EFCAB6: variants seen among roughly 807,000 people sequenced by gnomAD.
EFCAB6 encodes the protein EF-hand calcium-binding domain-containing protein 6.
Under a neutral mutation model 169.8 loss-of-function variants are expected in EFCAB6, and 156 were observed. The observed-to-expected ratio is 0.92, with a 90% CI of 0.81 to 1.05. The LOEUF is 1.05. Among genes scored for constraint, EFCAB6 ranks in the 50% least tolerant of loss-of-function variants. The pLI is 0.00. For missense variants in EFCAB6, 1,800 were observed against 1,829.1 expected, an observed-to-expected ratio of 0.98 and a Z score of 0.29; for synonymous variants, 698 against 676.4, an observed-to-expected ratio of 1.03 and a Z score of -0.50.
rs201098084 is a variant in EFCAB6 at position 43,608,531 on chromosome 22, C to T, written c.2632G>A (p.Gly878Ser). The T allele has an allele frequency of 2.8e-5, 46 of 1,614,046 alleles. No homozygotes were observed. The highest frequency in any genetic ancestry group is 5.3e-5 in the African/African-American group (4 of 74,914). Residue 878 changes from glycine (G) to serine (S), a missense_variant, in exon 22 of 32, where the codon GGT becomes AGT. By Grantham distance (56) the Gly-to-Ser change is moderately conservative. Transcript: ENST00000262726. ...RRRDIKNALY[G>S]FDIPLTPREF... ...CTTGGTGTGAGGGGAATATCAAAAC[C>T]GTACAGTGCGTTCTTTATGTCCCGG...
chr22:43,543,365 C>T (rs2147093321), intron 27 of EFCAB6, among the ~76,000 whole-genome samples: 1 of 152,338 alleles, frequency 6.6e-6, no homozygotes, highest in Non-Finnish European at 1.5e-5. Context: ...CTCCTCGCAC[C>T]TCTGCTGGTG....
intron 6 of EFCAB6, among the ~76,000 whole-genome samples, chr22:43,753,038 C>T (rs1184033966): frequency 6.6e-6 from 1 of 152,118 alleles, no homozygotes; most frequent in Non-Finnish European, 1.5e-5. Context: ...TTGTCAGTAC[C>T]CTGAAAGGTA....
chr22:43,581,284 A>G (rs2050705768), intron 24 of EFCAB6, among the ~76,000 whole-genome samples: 1 of 152,188 alleles, frequency 6.6e-6, no homozygotes, highest in South Asian at 2.1e-4. Context: ...AATACATTAA[A>G]TTCTCTTTCA....
intron 31 of EFCAB6, among the ~76,000 whole-genome samples, chr22:43,530,298 G>A (rs1052932773): frequency 6.6e-6 from 1 of 152,258 alleles, no homozygotes; most frequent in Admixed American, 6.5e-5. Flanking sequence ...AATGTGGATT[G>A]GAAAACCACT....
At chr22:43,735,069 C>A (rs1315585050) in intron 7 of EFCAB6, among the ~76,000 whole-genome samples, 1 of 152,174 alleles carries the variant, frequency 6.6e-6, no homozygotes, top group East Asian at 1.9e-4. Context: ...ATGGACCTCT[C>A]GGCTGGGTAC....
At chr22:43,596,224 CAGT>C (rs2051996631) in intron 23 of EFCAB6, among the ~76,000 whole-genome samples, 1 of 151,902 alleles carries the variant, frequency 6.6e-6, no homozygotes, top group Non-Finnish European at 1.5e-5. Context: ...CTATTCAACA[CAGT>C]ACTGGAAGTC....
At chr22:43,732,109 CGGCTCTGGCAGAAGGGGAGCTGG>C (rs1569451972) in intron 7 of EFCAB6, among the ~76,000 whole-genome samples, 1 of 152,146 alleles carries the variant, frequency 6.6e-6, no homozygotes, top group Non-Finnish European at 1.5e-5. Context: ...GAGTTTCTCC[CGGCTCTGGCAGAAGGGGAGCTGG>C]GGCTCTGTCT....
chr22:43,709,297 G>A lies in EFCAB6; in HGVS notation c.1031+2178C>T, dbSNP rs141182284. 8.0e-3 allele frequency among the ~76,000 whole-genome samples: 1,213 copies of A among 152,200 alleles called. 8 individuals are homozygous for A. Among genetic ancestry groups the A allele is most frequent in the Non-Finnish European group, 0.013 (885 of 68,004 alleles). On this transcript the variant is annotated intron_variant, in intron 10 of 31. Coordinates refer to ENST00000262726, the MANE Select transcript of EFCAB6 (RefSeq NM_022785.4). ...GGGTTTCACCTTGTTGGCCAGGCTG[G>A]TCTCGAACTCCTGACCTCAGGTGAT...
intron 23 of EFCAB6, among the ~76,000 whole-genome samples, chr22:43,599,544 A>AAAAAAAAAAAC (rs2052333420): frequency 7.9e-6 from 1 of 126,706 alleles, no homozygotes; most frequent in African/African-American, 2.9e-5. Flanking sequence ...AAAAAAAAAA[A>AAAAAAAAAAAC]AAAAAGACAC....
chr22:43,627,236 A>G (rs1177895559), intron 19 of EFCAB6, among the ~76,000 whole-genome samples: 2 of 152,196 alleles, frequency 1.3e-5, no homozygotes. Flanking sequence ...GTTGGAGGGC[A>G]CAGGGATTCC....
intron 5 of EFCAB6, among the ~76,000 whole-genome samples, chr22:43,761,063 C>T (rs1440780870): frequency 3.3e-5 from 5 of 152,194 alleles, no homozygotes; most frequent in East Asian, 1.9e-4. Flanking sequence ...GGATTACAGG[C>T]GTAAGCCACT....
chr22:43,731,932 A>C, intron 7 of EFCAB6, 121 bp from the exon 8 acceptor site: 1 of 530,942 alleles, frequency 1.9e-6, no homozygotes, highest in Non-Finnish European at 3.1e-6. Context: ...CTAGCTACAG[A>C]GGGAATTAAA....
chr22:43,620,900 C>G (rs1239733706), intron 20 of EFCAB6, among the ~76,000 whole-genome samples: 1 of 152,054 alleles, frequency 6.6e-6, no homozygotes. Flanking sequence ...ACAGAACACT[C>G]CACCCAACAG....
In EFCAB6 at chr22:43,591,118, T is replaced by G. The variant is rs59177810; in HGVS notation, c.2877-889A>C. ...TGTTGTTTTTTGTTTTTTGTTTTTT[T>G]TTTTTGTTTTTTTTTTGTTTTTTTT... is the stretch of plus-strand genomic sequence containing the variant. On this transcript the variant is annotated intron_variant, in intron 23 of 31. Transcript: ENST00000262726. Among the ~76,000 whole-genome samples, 798 of 114,814 alleles carry G rather than the reference T, an allele frequency of 7.0e-3. 7 individuals are homozygous for G. The highest frequency in any genetic ancestry group is 0.021 in the African/African-American group (645 of 30,908). The allele number at this position is 114,814 out of a possible 152,430, so 75.3% of individuals were successfully genotyped here.
At chr22:43,743,525 T>A (rs2060446440) in intron 6 of EFCAB6, among the ~76,000 whole-genome samples, 1 of 152,164 alleles carries the variant, frequency 6.6e-6, no homozygotes, top group Non-Finnish European at 1.5e-5. Flanking sequence ...TGAGAATGAA[T>A]AAGGATATAG....
intron 29 of EFCAB6, chr22:43,536,346 TAA>T (rs2047382539): frequency 1.3e-5 from 2 of 152,330 alleles, no homozygotes; most frequent in East Asian, 3.9e-4. Flanking sequence ...GGCTCTAACT[TAA>T]AGAGTTTACA....
chr22:43,784,718 C>CACACATAT lies in EFCAB6; in HGVS notation c.-7-2394_-7-2393insATATGTGT, dbSNP rs1256297031. 7.3e-4 allele frequency among the ~76,000 whole-genome samples: 82 copies of CACACATAT among 112,222 alleles called. 1 individual carries two copies. Among genetic ancestry groups the CACACATAT allele is most frequent in the African/African-American group, 2.5e-3 (72 of 29,000 alleles). 73.6% of individuals were successfully genotyped at this position (112,222 alleles called of 152,430 possible). ...ACACACACACACACACACACACACA[C>CACACATAT]ATATATATATATGCCAGGCATGGTG... On this transcript the variant is annotated intron_variant, in intron 2 of 31. Transcript: ENST00000262726.
At chr22:43,545,200 A>G (rs1275783863) in intron 27 of EFCAB6, among the ~76,000 whole-genome samples, 1 of 152,134 alleles carries the variant, frequency 6.6e-6, no homozygotes, top group Non-Finnish European at 1.5e-5. Context: ...GAAAACAGAC[A>G]TGATTATGTC....
At chr22:43,654,354 G>C (rs560056325) in intron 17 of EFCAB6, among the ~76,000 whole-genome samples, 1 of 152,330 alleles carries the variant, frequency 6.6e-6, no homozygotes, top group South Asian at 2.1e-4. Flanking sequence ...TAACGAAGAG[G>C]GGAGAAAAAG....
Sources: allele counts gnomAD v4.1 joint callset (sites outside exome capture counted in the v4.1 genomes callset), GRCh38; gene constraint gnomAD v4.1.1; transcripts MANE v1.5; gene names NCBI Gene and HGNC (gene_info 2026-07-23, HGNC 2026-07-21).